The following LINGO1 variants were observed in gnomAD, a reference collection of about 807,000 sequenced individuals.
LINGO1 encodes the protein leucine-rich repeat and immunoglobulin-like domain-containing nogo receptor-interacting protein 1.
In LINGO1, 11 loss-of-function variants were observed where a neutral mutation model predicts 37.3. That is an observed-to-expected ratio of 0.29 (90% CI 0.19 to 0.49). The LOEUF (loss-of-function observed/expected upper bound fraction) is 0.49, where lower values mean the gene tolerates loss of function less well. Among genes scored for constraint, LINGO1 ranks in the 20% least tolerant of loss-of-function variants. The probability of loss-of-function intolerance (pLI) is 0.99; values close to 1 mark genes in which losing one functional copy is unlikely to be tolerated. For synonymous variants in LINGO1, 387 were observed against 403.0 expected, an observed-to-expected ratio of 0.96 and a Z score of 0.48; for missense variants, 585 against 878.2, an observed-to-expected ratio of 0.67 and a Z score of 4.22.
At chr15:77,685,433 C>T (rs1396263249) in intron 2 of LINGO1, among the ~76,000 whole-genome samples, 1 of 152,134 alleles carries the variant, frequency 6.6e-6, no homozygotes, top group Non-Finnish European at 1.5e-5. Flanking sequence ...CCCAGGGAGG[C>T]AGTGGACATG....
At chr15:77,705,979 C>G (rs964367651) in intron 2 of LINGO1, among the ~76,000 whole-genome samples, 1 of 152,220 alleles carries the variant, frequency 6.6e-6, no homozygotes, top group Non-Finnish European at 1.5e-5. Context: ...CCCACCCTGG[C>G]TTGGAGTGCT....
At chr15:77,707,080 T>G (rs540214135) in intron 2 of LINGO1, among the ~76,000 whole-genome samples, 1 of 152,304 alleles carries the variant, frequency 6.6e-6, no homozygotes, top group Admixed American at 6.5e-5. Flanking sequence ...TGCCAGCAGC[T>G]GGGTGTTCTC....
Position 77,614,227 on chromosome 15 carries a change from G to A in LINGO1, c.1680C>T (p.Ala560=), listed in dbSNP as rs1362291006. 4 of 1,614,054 alleles carry A rather than the reference G, an allele frequency of 2.5e-6. No homozygotes were observed. The highest frequency in any genetic ancestry group is 3.4e-6 in the Non-Finnish European group (4 of 1,179,900). ...FPFDIKTLII[A]TTMGFISFLG... Reference sequence around the variant, plus strand: ...GGAAAGAGATGAAGCCCATGGTGGTGGCGATGATGAGGGTCTTGATGTCGA... The same window carrying A: ...GGAAAGAGATGAAGCCCATGGTGGTAGCGATGATGAGGGTCTTGATGTCGA... Residue 560 remains alanine (A), a synonymous_variant, in exon 2 of 2, where the codon GCC becomes GCT. Coordinates refer to ENST00000355300, the MANE Select transcript of LINGO1 (RefSeq NM_032808.7).
chr15:77,664,144 T>C (rs1176398648), intron 3 of LINGO1, among the ~76,000 whole-genome samples: 2 of 129,528 alleles, frequency 1.5e-5, no homozygotes, highest in Non-Finnish European at 3.2e-5. Flanking sequence ...TGTGTGTGTG[T>C]GTGTGTGTGT....
upstream of LINGO1, among the ~76,000 whole-genome samples, chr15:77,787,450 C>T (rs534111495): frequency 1.2e-3 from 183 of 152,072 alleles, no homozygotes; most frequent in Non-Finnish European, 1.5e-3. Context: ...TGCAGGGAGC[C>T]TCCGGGAAGT....
At chr15:77,765,416 A>G (rs1182203393) in intron 1 of LINGO1, among the ~76,000 whole-genome samples, 2 of 135,422 alleles carry the variant, frequency 1.5e-5, no homozygotes, top group Non-Finnish European at 3.0e-5. Flanking sequence ...CTGTGTCTCA[A>G]AAAAAAAAAA....
At chr15:77,655,246 G>A (rs1237978588) in intron 3 of LINGO1, among the ~76,000 whole-genome samples, 2 of 152,228 alleles carry the variant, frequency 1.3e-5, no homozygotes, top group African/African-American at 4.8e-5. Flanking sequence ...TCCAGGAAGA[G>A]GAGCTGGAGA....
intron 1 of LINGO1, among the ~76,000 whole-genome samples, chr15:77,619,490 G>C (rs1018119727): frequency 6.6e-6 from 1 of 152,046 alleles, no homozygotes; most frequent in African/African-American, 2.4e-5. Flanking sequence ...CTCAAGACAA[G>C]GCTGGGCAAC....
At chr15:77,645,028 G>A (rs973432291) in intron 3 of LINGO1, among the ~76,000 whole-genome samples, 5 of 152,174 alleles carry the variant, frequency 3.3e-5, no homozygotes, top group African/African-American at 7.2e-5. Flanking sequence ...CTGCTGGGGC[G>A]TGAAAACCAG....
intron 1 of LINGO1, among the ~76,000 whole-genome samples, chr15:77,625,162 G>T (rs573804295): frequency 1.2e-4 from 18 of 152,140 alleles, no homozygotes; most frequent in African/African-American, 2.4e-4. Context: ...TGCTTGGGGT[G>T]GGGGGTGCCA....
intron 3 of LINGO1, among the ~76,000 whole-genome samples, chr15:77,659,263 C>T (rs987454735): frequency 6.6e-6 from 1 of 152,174 alleles, no homozygotes; most frequent in African/African-American, 2.4e-5. Context: ...GAACACCATG[C>T]ACCACTGTCC....
intron 3 of LINGO1, among the ~76,000 whole-genome samples, chr15:77,644,939 C>T (rs991755006): frequency 6.6e-6 from 1 of 152,046 alleles, no homozygotes; most frequent in African/African-American, 2.4e-5. Context: ...TCTAGAAGGC[C>T]CCAGACGATA....
At chr15:77,761,826 G>C (rs2076480134) in intron 1 of LINGO1, among the ~76,000 whole-genome samples, 1 of 152,204 alleles carries the variant, frequency 6.6e-6, no homozygotes, top group Non-Finnish European at 1.5e-5. Context: ...ACCCAAAGGA[G>C]CTCATTGAGG....
chr15:77,813,394 A>G (rs1188797739), intron 1 of LINGO1, among the ~76,000 whole-genome samples: 4 of 152,064 alleles, frequency 2.6e-5, no homozygotes, highest in Non-Finnish European at 1.5e-5. Context: ...TGCTTAGGAG[A>G]GAGGGCTGGG....
At chr15:77,733,079 C>A (rs2141334701) in intron 2 of LINGO1, among the ~76,000 whole-genome samples, 1 of 152,284 alleles carries the variant, frequency 6.6e-6, no homozygotes, top group African/African-American at 2.4e-5. Context: ...TGTTTCCAGT[C>A]CCTCTCAGCG....
chr15:77,696,900 G>A (rs1480656778), upstream of LINGO1, among the ~76,000 whole-genome samples: 1 of 152,260 alleles, frequency 6.6e-6, no homozygotes, highest in African/African-American at 2.4e-5. Context: ...GGGGCCCACA[G>A]ATGGGTGACA....
intron 3 of LINGO1, among the ~76,000 whole-genome samples, chr15:77,664,195 T>C (rs965541673): frequency 7.3e-6 from 1 of 136,738 alleles, no homozygotes; most frequent in African/African-American, 3.2e-5. Context: ...GTTTGCATTC[T>C]CAGCCCTGGC....
At chr15:77,620,382 C>T (rs1429678976) in intron 1 of LINGO1, among the ~76,000 whole-genome samples, 1 of 152,224 alleles carries the variant, frequency 6.6e-6, no homozygotes, top group Non-Finnish European at 1.5e-5. Flanking sequence ...GACACTGAGC[C>T]ATCAGACCAG....
intron 2 of LINGO1, among the ~76,000 whole-genome samples, chr15:77,729,548 C>T (rs1187642634): frequency 6.6e-6 from 1 of 152,124 alleles, no homozygotes; most frequent in Non-Finnish European, 1.5e-5. Context: ...TGTCCTGGGC[C>T]CCAGATCACT....
Sources: allele counts gnomAD v4.1 joint callset (sites outside exome capture counted in the v4.1 genomes callset), GRCh38; gene constraint gnomAD v4.1.1; transcripts MANE v1.5; gene names NCBI Gene and HGNC (gene_info 2026-07-23, HGNC 2026-07-21).